USP12: variants seen among roughly 807,000 people sequenced by gnomAD.
USP12 encodes ubiquitin carboxyl-terminal hydrolase 12.
USP12 carries 19 observed loss-of-function variants against 45.5 expected under a neutral mutation model. The ratio of observed to expected loss-of-function variants is 0.42; its 90% confidence interval spans 0.29 to 0.61. The LOEUF is 0.61. Ranked by LOEUF, USP12 falls within the 20% of genes least tolerant of loss-of-function variation. USP12 has a pLI of 0.22. For missense variants in USP12, 242 were observed against 447.7 expected, an observed-to-expected ratio of 0.54 and a Z score of 4.15; for synonymous variants, 149 against 148.8, an observed-to-expected ratio of 1.00 and a Z score of -0.01.
chr13:27,085,834 T>C (rs1045046725), intron 6 of USP12, among the ~76,000 whole-genome samples: 2 of 152,022 alleles, frequency 1.3e-5, no homozygotes, highest in African/African-American at 2.4e-5. Flanking sequence ...TTTAGACAAC[T>C]GGTAGATACA....
At position 27,129,832 on chromosome 13, in the gene USP12, G is replaced by A. The variant is rs1876411445; in HGVS notation, c.49-13236C>T. ...AGCACCACTCTTTGATAAATGGTGG[G>A]GAAGTAGAAAAGAACTGGCTGCCAA... is the stretch of plus-strand genomic sequence containing the variant. On this transcript the variant is annotated intron_variant, in intron 1 of 8. Transcript: ENST00000282344. This position sits in a 1 kb window ranked among gnomAD's most constrained non-coding sequence, Gnocchi z 4.0. 6.6e-6 allele frequency among the ~76,000 whole-genome samples: 1 copy of A among 152,130 alleles called. No homozygotes were observed. The highest frequency in any genetic ancestry group is 2.4e-5 in the African/African-American group (1 of 41,418).
At chr13:27,111,714 A>G (rs1389684163) in intron 2 of USP12, among the ~76,000 whole-genome samples, 1 of 152,226 alleles carries the variant, frequency 6.6e-6, no homozygotes, top group Non-Finnish European at 1.5e-5. Context: ...TAAAAATGTA[A>G]AGGAATGCAA....
At chr13:27,146,856 G>A (rs1480115766) in intron 1 of USP12, among the ~76,000 whole-genome samples, 1 of 152,158 alleles carries the variant, frequency 6.6e-6, no homozygotes, top group African/African-American at 2.4e-5. Flanking sequence ...GTTAAAATGA[G>A]GTCATGAAGG....
chr13:27,075,721 C>T (rs1425410904), intron 6 of USP12, among the ~76,000 whole-genome samples: 3 of 152,090 alleles, frequency 2.0e-5, no homozygotes, highest in African/African-American at 2.4e-5. Flanking sequence ...GCTAAATGCA[C>T]GGGGTGCTCA....
intron 3 of USP12, 57 bp downstream of exon 3, chr13:27,105,674 G>T: frequency 6.7e-7 from 1 of 1,502,848 alleles, no homozygotes; most frequent in Non-Finnish European, 9.2e-7. Context: ...CTGGAATTAT[G>T]GCACACTATA....
chr13:27,143,176 T>G (rs541207876), intron 1 of USP12, among the ~76,000 whole-genome samples: 1 of 151,540 alleles, frequency 6.6e-6, no homozygotes, highest in Non-Finnish European at 1.5e-5. Context: ...TCGAGAATAA[T>G]TTTAACATCA....
chr13:27,076,642 G>A (rs1873500480), intron 6 of USP12, among the ~76,000 whole-genome samples: 1 of 152,034 alleles, frequency 6.6e-6, no homozygotes, highest in Admixed American at 6.6e-5. Flanking sequence ...ACATATGATA[G>A]ATGCCAAATG....
At chr13:27,170,698 A>C (rs1878552783) in intron 1 of USP12, among the ~76,000 whole-genome samples, 1 of 152,238 alleles carries the variant, frequency 6.6e-6, no homozygotes, top group African/African-American at 2.4e-5. Context: ...CGCCCTAGGA[A>C]AACAAATACC....
At chr13:27,169,531 C>T (rs919180976) in intron 1 of USP12, among the ~76,000 whole-genome samples, 2 of 152,244 alleles carry the variant, frequency 1.3e-5, no homozygotes, top group Admixed American at 1.3e-4. Context: ...CAGACACACC[C>T]AATTTTAATA....
intron 1 of USP12, among the ~76,000 whole-genome samples, chr13:27,141,926 G>A (rs59231507): frequency 0.022 from 3,276 of 152,178 alleles, 121 homozygotes; most frequent in African/African-American, 0.075. Context: ...GCTCATGCCT[G>A]TAATCATGCA....
chr13:27,085,480 C>A (rs1029275924), intron 6 of USP12, among the ~76,000 whole-genome samples: 1 of 152,180 alleles, frequency 6.6e-6, no homozygotes, highest in Admixed American at 6.6e-5. Context: ...CGCATCTGGC[C>A]GTCAAATTGA....
chr13:27,095,840 A>G lies in USP12; in HGVS notation c.344-10T>C, dbSNP rs1219779747. 1.3e-6 allele frequency: 2 copies of G among 1,566,830 alleles called. No individual in the cohort carries two copies. Among genetic ancestry groups the G allele is most frequent in the African/African-American group, 2.7e-5 (2 of 72,804 alleles). ...TAGTTGTCAAAAAGCTCTGAAAATAAAAACATTATATTAGAGAATTATTTC... is the reference window on the plus strand; with the variant it reads ...TAGTTGTCAAAAAGCTCTGAAAATAGAAACATTATATTAGAGAATTATTTC... On this transcript the variant is annotated splice_polypyrimidine_tract_variant and intron_variant, in intron 3 of 8. Coordinates refer to ENST00000282344, the MANE Select transcript of USP12 (RefSeq NM_182488.4).
chr13:27,121,823 T>C (rs1016800102), intron 1 of USP12, among the ~76,000 whole-genome samples: 1 of 151,644 alleles, frequency 6.6e-6, no homozygotes, highest in Non-Finnish European at 1.5e-5. Flanking sequence ...ATCATGCCAC[T>C]GCACTCCAGC....
At chr13:27,168,948 G>A (rs1026994940) in intron 1 of USP12, 1 of 152,154 alleles carries the variant, frequency 6.6e-6, no homozygotes, top group African/African-American at 2.4e-5. Flanking sequence ...TGCTGATTCT[G>A]AGAAGTGTTC....
At chr13:27,160,299 T>C (rs1403575023) in intron 1 of USP12, among the ~76,000 whole-genome samples, 10 of 152,128 alleles carry the variant, frequency 6.6e-5, no homozygotes, top group Admixed American at 6.6e-4. Context: ...CAACCAGAAG[T>C]AAAAGTTGCT....
chr13:27,086,180 A>AT lies in USP12; in HGVS notation c.734+3702_734+3703insA, dbSNP rs1286864349. Reference sequence around the variant, plus strand: ...GAGAGATCTTTTGTCTCTTTAAAAAAAAAAAAAAAAAAAAAAAATATATAT... The same window carrying AT: ...GAGAGATCTTTTGTCTCTTTAAAAAATAAAAAAAAAAAAAAAAAATATATAT... On this transcript the variant is annotated intron_variant, in intron 6 of 8. Transcript: ENST00000282344. Among the ~76,000 whole-genome samples, 298 of 30,610 alleles carry AT rather than the reference A, an allele frequency of 9.7e-3. 4 individuals are homozygous for AT. The highest frequency in any genetic ancestry group is 0.015 in the Non-Finnish European group (243 of 16,616). 20.1% of individuals were successfully genotyped at this position (30,610 alleles called of 152,430 possible).
At chr13:27,122,398 C>G (rs1876034042) in intron 1 of USP12, among the ~76,000 whole-genome samples, 1 of 152,168 alleles carries the variant, frequency 6.6e-6, no homozygotes, top group East Asian at 1.9e-4. Context: ...CCATGTGGAA[C>G]TGTAAGTCCA....
At chr13:27,103,278 T>C (rs769433000) in intron 3 of USP12, among the ~76,000 whole-genome samples, 1 of 152,196 alleles carries the variant, frequency 6.6e-6, no homozygotes, top group Non-Finnish European at 1.5e-5. Context: ...ATGCAATGAA[T>C]AATATATTAA....
chr13:27,077,485 A>G (rs947910183), intron 6 of USP12: 14 of 152,206 alleles, frequency 9.2e-5, no homozygotes, highest in African/African-American at 3.4e-4. Context: ...AAAATATCTC[A>G]ATAATAGCAG....
Sources: allele counts gnomAD v4.1 joint callset (sites outside exome capture counted in the v4.1 genomes callset), GRCh38; gene constraint gnomAD v4.1.1; non-coding constraint Gnocchi (gnomAD v3.1); transcripts MANE v1.5; gene names NCBI Gene and HGNC (gene_info 2026-07-23, HGNC 2026-07-21).